Variants in KIF16B observed in about 807,000 individuals in gnomAD.
The protein encoded by KIF16B is kinesin-like protein KIF16B.
Under a neutral mutation model 156.3 loss-of-function variants are expected in KIF16B, and 98 were observed. That is an observed-to-expected ratio of 0.63 (90% CI 0.53 to 0.74). KIF16B has a LOEUF of 0.74. Among genes scored for constraint, KIF16B ranks in the 30% least tolerant of loss-of-function variants. The pLI is 0.00. For missense variants in KIF16B, 1,421 were observed against 1,606.5 expected (o/e 0.88, Z 1.97); for synonymous variants, 564 against 583.7 (o/e 0.97, Z 0.49).
intron 1 of KIF16B, among the ~76,000 whole-genome samples, chr20:16,546,727 T>C (rs924572657): frequency 1.3e-5 from 2 of 152,200 alleles, no homozygotes; most frequent in Non-Finnish European, 1.5e-5. Flanking sequence ...TTCATAAAGA[T>C]AAGGCTAACA....
intron 23 of KIF16B, among the ~76,000 whole-genome samples, chr20:16,341,179 C>A (rs2064134132): frequency 6.6e-6 from 1 of 152,160 alleles, no homozygotes; most frequent in Admixed American, 6.5e-5. Context: ...GGCAATAGTT[C>A]CTGGAAACTA....
At chr20:16,500,188 A>G (rs1157272651) in intron 10 of KIF16B, among the ~76,000 whole-genome samples, 2 of 152,220 alleles carry the variant, frequency 1.3e-5, no homozygotes, top group Non-Finnish European at 2.9e-5. Context: ...ACCCACGAAC[A>G]TGTATACGTA....
intron 3 of KIF16B, among the ~76,000 whole-genome samples, chr20:16,517,460 T>C (rs1360111856): frequency 2.6e-5 from 4 of 152,170 alleles, no homozygotes; most frequent in Non-Finnish European, 5.9e-5. Context: ...ATCAAAACGC[T>C]ACAGGGAGAG....
At chr20:16,449,138 G>A (rs993480014) in intron 12 of KIF16B, among the ~76,000 whole-genome samples, 4 of 152,012 alleles carry the variant, frequency 2.6e-5, no homozygotes, top group Admixed American at 2.0e-4. Flanking sequence ...GAACTGCAGA[G>A]GAAAGCGAAA....
At position 16,399,200 on chromosome 20, in the gene KIF16B, A is replaced by G. The variant is rs73898709; in HGVS notation, c.1784+5613T>C. Among the ~76,000 whole-genome samples the G allele has an allele frequency of 1.6e-4, 24 of 152,144 alleles. No homozygotes were observed. In the East Asian group the frequency reaches 4.1e-3, roughly 26 times the overall value. On this transcript the variant is annotated intron_variant, in intron 17 of 25. Coordinates refer to ENST00000354981, the MANE Select transcript of KIF16B (RefSeq NM_024704.5). ...CTTGGTCACCTGCTGAAGCTACAAG[A>G]CTGCTCACAGGGCTTGGTGACTATG...
chr20:16,568,660 TA>T (rs1299030806), intron 1 of KIF16B, among the ~76,000 whole-genome samples: 1 of 151,528 alleles, frequency 6.6e-6, no homozygotes, highest in Non-Finnish European at 1.5e-5. Flanking sequence ...CAAATAATTT[TA>T]AAAATTAGCC....
intron 12 of KIF16B, among the ~76,000 whole-genome samples, chr20:16,453,914 AC>A (rs753579072): frequency 6.6e-6 from 1 of 152,192 alleles, no homozygotes; most frequent in Non-Finnish European, 1.5e-5. Context: ...TGGCAATCTC[AC>A]ATCCAGAATT....
chr20:16,314,633 G>A lies in KIF16B; in HGVS notation c.3712-2215C>T, dbSNP rs891779611. ...TCTCTGAGCCCGAGTATTCTCTGCT[G>A]AAATAAAACCACAGAAAATGAAACC... On this transcript the variant is annotated intron_variant, in intron 24 of 25. Coordinates refer to ENST00000354981, the MANE Select transcript of KIF16B (RefSeq NM_024704.5). Among the ~76,000 whole-genome samples the A allele has an allele frequency of 4.6e-5, 7 of 152,318 alleles. No homozygotes were observed. In the East Asian group the frequency reaches 1.2e-3, roughly 25 times the overall value.
At chr20:16,480,648 C>T (rs2067954687) in intron 12 of KIF16B, among the ~76,000 whole-genome samples, 1 of 152,186 alleles carries the variant, frequency 6.6e-6, no homozygotes, top group African/African-American at 2.4e-5. Context: ...CACAGAACAA[C>T]CGCAGAGAGG....
intron 1 of KIF16B, among the ~76,000 whole-genome samples, chr20:16,529,285 T>C (rs1041221520): frequency 6.6e-6 from 1 of 152,196 alleles, no homozygotes; most frequent in South Asian, 2.1e-4. Flanking sequence ...AGGTCATCTT[T>C]AGAACGATAA....
intron 15 of KIF16B, among the ~76,000 whole-genome samples, chr20:16,409,976 T>C (rs1434336842): frequency 2.7e-5 from 3 of 109,982 alleles, no homozygotes; most frequent in South Asian, 3.2e-4. Context: ...TATACATATA[T>C]ATATATATAT....
At chr20:16,505,147 G>A (rs2068737194) in intron 9 of KIF16B, among the ~76,000 whole-genome samples, 1 of 152,112 alleles carries the variant, frequency 6.6e-6, no homozygotes, top group Admixed American at 6.6e-5. Flanking sequence ...AGAGGGGAAG[G>A]GAAGAGGAAA....
chr20:16,435,230 A>G (rs1002741257), intron 12 of KIF16B, among the ~76,000 whole-genome samples: 1 of 152,184 alleles, frequency 6.6e-6, no homozygotes, highest in African/African-American at 2.4e-5. Flanking sequence ...TACCGGTTTG[A>G]GAACGTTGCT....
At chr20:16,296,191 T>C (rs2063383561) in intron 25 of KIF16B, among the ~76,000 whole-genome samples, 1 of 152,188 alleles carries the variant, frequency 6.6e-6, no homozygotes, top group South Asian at 2.1e-4. Flanking sequence ...ACATCTGTCT[T>C]CGAACAAGGC....
At chr20:16,392,928 A>G (rs1427450556) in intron 17 of KIF16B, among the ~76,000 whole-genome samples, 1 of 152,382 alleles carries the variant, frequency 6.6e-6, no homozygotes, top group East Asian at 1.9e-4. Flanking sequence ...TTGAAATGTT[A>G]TCAACAATTT....
chr20:16,567,636 G>A (rs1296165911), intron 1 of KIF16B, among the ~76,000 whole-genome samples: 2 of 152,138 alleles, frequency 1.3e-5, no homozygotes, highest in East Asian at 3.9e-4. Context: ...ATTGGTGAGA[G>A]GAGGAAATGC....
chr20:16,296,430 A>G (rs1319755116), intron 25 of KIF16B, among the ~76,000 whole-genome samples: 1 of 152,186 alleles, frequency 6.6e-6, no homozygotes, highest in Non-Finnish European at 1.5e-5. Context: ...TTAACCCAGG[A>G]AAATGAAAAA....
At chr20:16,380,219 A>G (rs927085242) in intron 18 of KIF16B, 56 bp from the exon 19 acceptor site, 91 of 1,397,842 alleles carry the variant, frequency 6.5e-5, no homozygotes, top group Non-Finnish European at 8.0e-5. Context: ...ATGTTGCTCT[A>G]ACTTTACTGA....
rs543694833 is a variant in KIF16B at position 16,311,391 on chromosome 20, G to A, written c.3795+944C>T. ...GTAATCTCAGCTACTCAAAGGCTGA[G>A]GCAGCAGAATCGCTTGAATCTGAGG... On this transcript the variant is annotated intron_variant, in intron 25 of 25. Coordinates refer to ENST00000354981, the MANE Select transcript of KIF16B (RefSeq NM_024704.5). Among the ~76,000 whole-genome samples the A allele has an allele frequency of 3.3e-5, 5 of 152,298 alleles. No individual in the cohort carries two copies. In the South Asian group the frequency reaches 1.0e-3, roughly 32 times the overall value.
Sources: gnomAD v4.1 joint callset for allele counts (sites outside exome capture counted in the v4.1 genomes callset) on GRCh38, gnomAD v4.1.1 for gene constraint, MANE v1.5 for transcripts, NCBI Gene and HGNC (gene_info 2026-07-23, HGNC 2026-07-21) for gene names.